LDLRAD3: variants seen among roughly 807,000 people sequenced by gnomAD.
The protein encoded by LDLRAD3 is low-density lipoprotein receptor class A domain-containing protein 3.
Under a neutral mutation model 29.4 loss-of-function variants are expected in LDLRAD3, and 20 were observed. That is an observed-to-expected ratio of 0.68 (90% CI 0.48 to 0.99). The LOEUF (loss-of-function observed/expected upper bound fraction) is 0.99. Among genes scored for constraint, LDLRAD3 ranks in the 50% least tolerant of loss-of-function variants. LDLRAD3 has a pLI of 0.00. For synonymous variants in LDLRAD3, 157 were observed against 192.7 expected, an observed-to-expected ratio of 0.81 and a Z score of 1.53; for missense variants, 420 against 454.3, an observed-to-expected ratio of 0.92 and a Z score of 0.69.
At chr11:36,001,437 T>A (rs542815621) in intron 1 of LDLRAD3, among the ~76,000 whole-genome samples, 1 of 152,308 alleles carries the variant, frequency 6.6e-6, no homozygotes, top group South Asian at 2.1e-4. Context: ...ACAGAAAGAT[T>A]CTGTAGAGGA....
chr11:36,081,573 A>T (rs1853114328), intron 2 of LDLRAD3, 80 bp from the exon 3 acceptor site: 1 of 1,557,976 alleles, frequency 6.4e-7, no homozygotes, highest in Admixed American at 1.7e-5. Flanking sequence ...ACTCATTTTC[A>T]CATTCAGTGT....
chr11:35,965,229 A>G (rs1851325236), intron 1 of LDLRAD3, among the ~76,000 whole-genome samples: 1 of 152,260 alleles, frequency 6.6e-6, no homozygotes, highest in African/African-American at 2.4e-5. Context: ...ATTATTTTCT[A>G]AAATAAATTA....
intron 4 of LDLRAD3, among the ~76,000 whole-genome samples, chr11:36,146,773 C>CTTTATTTTATTTTAT (rs55792933): frequency 0.045 from 6,402 of 143,786 alleles, 567 homozygotes; most frequent in African/African-American, 0.16. Context: ...TTTCCCTCTA[C>CTTTATTTTATTTTAT]TTTATTTTAT....
intron 4 of LDLRAD3, among the ~76,000 whole-genome samples, chr11:36,203,922 T>C (rs1288046998): frequency 6.6e-6 from 1 of 152,136 alleles, no homozygotes; most frequent in Non-Finnish European, 1.5e-5. Context: ...CTGAAGGCAG[T>C]TACAGCTCAC....
At chr11:36,058,389 A>T (rs1264644872) in intron 2 of LDLRAD3, among the ~76,000 whole-genome samples, 1 of 152,140 alleles carries the variant, frequency 6.6e-6, no homozygotes, top group Non-Finnish European at 1.5e-5. Flanking sequence ...CTACTTTATC[A>T]ACTCCATTTG....
At chr11:36,047,687 A>G (rs2422130) in intron 2 of LDLRAD3, among the ~76,000 whole-genome samples, 4,762 of 152,312 alleles carry the variant, frequency 0.031, 236 homozygotes, top group Admixed American at 0.13. Context: ...TCTGCACCCA[A>G]CACTGCCAGT....
At chr11:36,149,035 G>T (rs1050232418) in intron 4 of LDLRAD3, among the ~76,000 whole-genome samples, 1 of 152,154 alleles carries the variant, frequency 6.6e-6, no homozygotes, top group Non-Finnish European at 1.5e-5. Context: ...TCGCACACTG[G>T]GATGATAAAG....
intron 3 of LDLRAD3, among the ~76,000 whole-genome samples, chr11:36,083,539 C>A (rs1023478527): frequency 2.0e-5 from 3 of 151,886 alleles, no homozygotes; most frequent in African/African-American, 7.3e-5. Flanking sequence ...TAATGGCTGG[C>A]ACAGAGTAAT....
chr11:36,186,365 C>T (rs543365819), intron 4 of LDLRAD3, among the ~76,000 whole-genome samples: 1 of 152,206 alleles, frequency 6.6e-6, no homozygotes, highest in East Asian at 1.9e-4. Flanking sequence ...ATGCAGTTGC[C>T]GGCAATGTCT....
chr11:36,091,581 G>C (rs899585930), intron 3 of LDLRAD3, among the ~76,000 whole-genome samples: 1 of 151,980 alleles, frequency 6.6e-6, no homozygotes, highest in Non-Finnish European at 1.5e-5. Context: ...GTTTTTTTGG[G>C]TAATAATAAC....
chr11:36,127,272 G>A (rs1017845765), intron 4 of LDLRAD3, among the ~76,000 whole-genome samples: 3 of 152,174 alleles, frequency 2.0e-5, no homozygotes, highest in Non-Finnish European at 4.4e-5. Flanking sequence ...TGGAATTGGG[G>A]TTAAACAGAG....
At chr11:36,146,147 C>T (rs1249054259) in intron 4 of LDLRAD3, among the ~76,000 whole-genome samples, 1 of 152,178 alleles carries the variant, frequency 6.6e-6, no homozygotes, top group Non-Finnish European at 1.5e-5. Context: ...CTTATTCAGA[C>T]TCAGTCACTG....
chr11:36,076,171 A>G (rs1852995544), intron 2 of LDLRAD3, among the ~76,000 whole-genome samples: 1 of 152,142 alleles, frequency 6.6e-6, no homozygotes, highest in Non-Finnish European at 1.5e-5. Flanking sequence ...TATGTGCATT[A>G]TCCCTTACAT....
At chr11:36,043,398 A>AT (rs1240803002) in intron 2 of LDLRAD3, among the ~76,000 whole-genome samples, 1 of 152,138 alleles carries the variant, frequency 6.6e-6, no homozygotes, top group Admixed American at 6.5e-5. Flanking sequence ...TCCTGCTTTC[A>AT]TTTTTTTCCT....
At chr11:36,063,500 A>G (rs1852738385) in intron 2 of LDLRAD3, among the ~76,000 whole-genome samples, 1 of 152,218 alleles carries the variant, frequency 6.6e-6, no homozygotes, top group Admixed American at 6.5e-5. Context: ...TAATGGAATC[A>G]TACAGTATGT....
intron 2 of LDLRAD3, among the ~76,000 whole-genome samples, chr11:36,039,039 G>A (rs570624113): frequency 6.7e-6 from 1 of 149,188 alleles, no homozygotes; most frequent in East Asian, 2.0e-4. Flanking sequence ...GCGTGATCTC[G>A]GCTCACTGTA....
At chr11:36,082,705 G>A (rs1853133528) in intron 3 of LDLRAD3, among the ~76,000 whole-genome samples, 1 of 152,168 alleles carries the variant, frequency 6.6e-6, no homozygotes, top group Admixed American at 6.5e-5. Context: ...TTTCCTTGCA[G>A]CTTAGCAGTC....
At chr11:36,052,071 A>G (rs1042038337) in intron 2 of LDLRAD3, among the ~76,000 whole-genome samples, 1 of 152,200 alleles carries the variant, frequency 6.6e-6, no homozygotes, top group African/African-American at 2.4e-5. Flanking sequence ...CTGTCATAGG[A>G]CTAGACTGAG....
chr11:36,165,317 G>A (rs1009739149), intron 4 of LDLRAD3, among the ~76,000 whole-genome samples: 6 of 151,498 alleles, frequency 4.0e-5, no homozygotes, highest in African/African-American at 1.5e-4. Context: ...ATACATTGTT[G>A]TAGACGAAGT....
Sources: gnomAD v4.1 joint callset for allele counts (sites outside exome capture counted in the v4.1 genomes callset) on GRCh38, gnomAD v4.1.1 for gene constraint, MANE v1.5 for transcripts, NCBI Gene and HGNC (gene_info 2026-07-23, HGNC 2026-07-21) for gene names.